ADAP1: variants seen among roughly 807,000 people sequenced by gnomAD.
ADAP1 encodes ArfGAP with dual PH domains 1.
In ADAP1, 31 loss-of-function variants were observed where a neutral mutation model predicts 54.9. That is an observed-to-expected ratio of 0.56 (90% CI 0.42 to 0.76). The LOEUF is 0.76. Ranked by LOEUF, ADAP1 falls within the 30% of genes least tolerant of loss-of-function variation. The pLI is 0.00. For missense variants in ADAP1, 535 were observed against 512.4 expected (o/e 1.04, Z -0.42); for synonymous variants, 313 against 202.6 (o/e 1.55, Z -4.63).
chr7:935,615 G>T (rs1231290273), intron 1 of ADAP1, 110 bp from the exon 2 acceptor site: 2 of 1,386,476 alleles, frequency 1.4e-6, no homozygotes, highest in Admixed American at 2.3e-5. Context: ...GGGGGCTTCA[G>T]CGGAGACCCC....
intron 4 of ADAP1, among the ~76,000 whole-genome samples, chr7:916,297 AACG>A (rs1845931324): frequency 6.6e-6 from 1 of 152,224 alleles, no homozygotes; most frequent in African/African-American, 2.4e-5. Flanking sequence ...ACCAGGTCCC[AACG>A]ACACCAGCTA....
Position 904,327 on chromosome 7 carries a change from G to T in ADAP1, c.502-55C>A, listed in dbSNP as rs143505529. 3.9e-6 allele frequency: 6 copies of T among 1,522,088 alleles called. No individual in the cohort carries two copies. The Admixed American group carries it at 6.1e-5, about 16-fold the overall frequency. The allele number at this position is 1,522,088 out of a possible 1,614,324, so 94.3% of individuals were successfully genotyped here. A position where few individuals can be genotyped will look rare whatever the true frequency, so the allele number is the denominator to read the frequency against. ...CAGGGGCCGTCGTCCAAGCTCAAGG[G>T]AGCAGGAAGGGCAGACCCTGTGGGT... On this transcript the variant is annotated intron_variant, in intron 5 of 10. Transcript: ENST00000265846.
At chr7:948,541 C>T (rs980302090) in intron 1 of ADAP1, among the ~76,000 whole-genome samples, 8 of 152,134 alleles carry the variant, frequency 5.3e-5, no homozygotes, top group Non-Finnish European at 8.8e-5. Flanking sequence ...CCAGGTGCCA[C>T]GACCCCCTCT....
intron 2 of ADAP1, among the ~76,000 whole-genome samples, chr7:931,715 C>T (rs955792316): frequency 3.4e-5 from 5 of 147,656 alleles, no homozygotes; most frequent in South Asian, 2.1e-4. Flanking sequence ...TGGCTGTGAA[C>T]GGCATCTCTA....
At chr7:899,781 AC>A (rs1844694846) in intron 8 of ADAP1, among the ~76,000 whole-genome samples, 1 of 152,048 alleles carries the variant, frequency 6.6e-6, no homozygotes, top group African/African-American at 2.4e-5. Flanking sequence ...CTCCGGGACC[AC>A]CAAGACTCCC....
At chr7:928,572 A>G (rs945090503) in intron 2 of ADAP1, among the ~76,000 whole-genome samples, 3 of 152,200 alleles carry the variant, frequency 2.0e-5, no homozygotes, top group African/African-American at 7.2e-5. Flanking sequence ...CATTTCTCCA[A>G]AGAAGATGCA....
intron 1 of ADAP1, among the ~76,000 whole-genome samples, chr7:937,099 G>A (rs187586561): frequency 0.014 from 1,331 of 95,748 alleles, 17 homozygotes; most frequent in African/African-American, 0.025. Flanking sequence ...GTCACGCCGG[G>A]CCTCGGATTT....
In ADAP1 at chr7:903,983, C is replaced by A; in HGVS notation, c.648+143G>T. On this transcript the variant is annotated intron_variant, in intron 6 of 10. Transcript: ENST00000265846. ...CAAGCACCCGCCTTCCCACGCTGCC[C>A]AGCCCGACTTCCCGCCTTCTCATGC... The A allele has an allele frequency of 5.3e-6, 6 of 1,142,772 alleles. No homozygotes were observed. The South Asian group carries it at 9.5e-5, about 18-fold the overall frequency. 70.8% of individuals were successfully genotyped at this position (1,142,772 alleles called of 1,614,324 possible).
intron 2 of ADAP1, among the ~76,000 whole-genome samples, chr7:931,043 G>GAGGGAGGGAGGGAAGAAAGGA (rs1209795310): frequency 6.8e-6 from 1 of 147,088 alleles, no homozygotes; most frequent in African/African-American, 2.5e-5. Context: ...GGGACTGAGG[G>GAGGGAGGGAGGGAAGAAAGGA]AGGGAGGGAG....
chr7:937,183 T>G (rs1455358973), intron 1 of ADAP1, among the ~76,000 whole-genome samples: 5 of 73,418 alleles, frequency 6.8e-5, no homozygotes, highest in Non-Finnish European at 1.2e-4. Context: ...GCCCGACCTC[T>G]GGGATTTGGG....
Position 898,508 on chromosome 7 carries a change from A to G in ADAP1, c.*413T>C. The G allele has an allele frequency of 3.6e-6, 1 of 278,374 alleles. No homozygotes were observed. The highest frequency in any genetic ancestry group is 1.3e-3 in the Middle Eastern group (1 of 784). 17.2% of individuals were successfully genotyped at this position (278,374 alleles called of 1,614,324 possible). On this transcript the variant is annotated 3_prime_UTR_variant, in exon 11 of 11. Transcript: ENST00000265846. The stretch of plus-strand genomic sequence containing the variant: ...GCGGGGCGGCATGCGAGCAGGGCCC[A>G]GTCCCCAGCGGCCGGCAGCTGCCCA...
Position 899,226 on chromosome 7 carries a change from G to A in ADAP1, c.903C>T (p.Ser301=), listed in dbSNP as rs778492684. 1.2e-6 allele frequency: 2 copies of A among 1,612,758 alleles called. No homozygotes were observed. Among genetic ancestry groups the A allele is most frequent in the South Asian group, 1.1e-5 (1 of 91,088 alleles). ...AFARGEVFIG[S]KESGYTVLHG... is the part of the protein sequence containing the mutation. Reference sequence around the variant, plus strand: ...GCAGCACCGTGTAGCCACTCTCCTTGCTGCCAATGAAGACTTCCCCTCGGG... The same window carrying A: ...GCAGCACCGTGTAGCCACTCTCCTTACTGCCAATGAAGACTTCCCCTCGGG... Residue 301 remains serine (S), a synonymous_variant, in exon 10 of 11, where the codon AGC becomes AGT. Transcript: ENST00000265846.
At position 905,319 on chromosome 7, in the gene ADAP1, AGG is replaced by A. The variant is rs201438732; in HGVS notation, c.389-149_389-148del. On this transcript the variant is annotated intron_variant, in intron 4 of 10. Coordinates refer to ENST00000265846, the MANE Select transcript of ADAP1 (RefSeq NM_006869.4). Reference sequence around the variant, plus strand: ...CGGACAGGGGGAGACGGACGGGGAGAGGGGACATGGAGGAGACAGGGAGATAG... The same window carrying A: ...CGGACAGGGGGAGACGGACGGGGAGAGGACATGGAGGAGACAGGGAGATAG... 1.4e-3 allele frequency: 682 copies of A among 490,616 alleles called. 48 individuals are homozygous for A. Among genetic ancestry groups the A allele is most frequent in the African/African-American group, 0.014 (601 of 43,574 alleles). The allele number at this position is 490,616 out of a possible 1,614,324, so 30.4% of individuals were successfully genotyped here.
chr7:905,323 G>A (rs1298747703), intron 4 of ADAP1, 151 bp from the exon 5 acceptor site: 2 of 532,004 alleles, frequency 3.8e-6, no homozygotes, highest in South Asian at 3.9e-5. Flanking sequence ...GGGGAGAGGG[G>A]ACATGGAGGA....
chr7:899,954 C>T, intron 8 of ADAP1, 148 bp downstream of exon 8: 1 of 991,198 alleles, frequency 1.0e-6, no homozygotes, highest in Non-Finnish European at 1.5e-6. Flanking sequence ...CCTCGGGGAC[C>T]CCGGCCAGGC....
intron 3 of ADAP1, chr7:923,345 A>C (rs1430032126): frequency 1.3e-5 from 2 of 151,794 alleles, no homozygotes; most frequent in Non-Finnish European, 2.9e-5. Context: ...GCCAGCAGCC[A>C]AGGGCTCCTC....
intron 4 of ADAP1, among the ~76,000 whole-genome samples, chr7:906,409 A>G (rs796458617): frequency 1.1e-4 from 1 of 9,398 alleles, no homozygotes; most frequent in Non-Finnish European, 1.9e-4. Flanking sequence ...AAGGGAAAGG[A>G]GAAAGGGAGA....
In ADAP1 at chr7:917,367, C is replaced by T. The variant is rs112648799; in HGVS notation, c.388+2601G>A. Among the ~76,000 whole-genome samples the T allele has an allele frequency of 6.2e-3, 924 of 148,670 alleles. 33 individuals are homozygous for T. The highest frequency in any genetic ancestry group is 0.022 in the African/African-American group (859 of 39,688). The stretch of plus-strand genomic sequence containing the variant: ...GAGGGGGGCGCAGTGCCAGCTCTAC[C>T]AGGGAGGGCTGGGAGGGGTTGGAGC... On this transcript the variant is annotated intron_variant, in intron 4 of 10. Coordinates refer to ENST00000265846, the MANE Select transcript of ADAP1 (RefSeq NM_006869.4).
At chr7:913,865 G>A (rs922101850) in intron 4 of ADAP1, among the ~76,000 whole-genome samples, 2 of 152,186 alleles carry the variant, frequency 1.3e-5, no homozygotes, top group Non-Finnish European at 2.9e-5. Flanking sequence ...AACCCGGGAG[G>A]TGGACATTGC....
Sources: gnomAD v4.1 joint callset for allele counts (sites outside exome capture counted in the v4.1 genomes callset) on GRCh38, gnomAD v4.1.1 for gene constraint, MANE v1.5 for transcripts, NCBI Gene and HGNC (gene_info 2026-07-23, HGNC 2026-07-21) for gene names.